The following FZD6 variants were observed in gnomAD, a reference collection of about 807,000 sequenced individuals.
The protein encoded by FZD6 is frizzled class receptor 6.
FZD6 carries 49 observed loss-of-function variants against 61.4 expected under a neutral mutation model. That is an observed-to-expected ratio of 0.80 (90% CI 0.63 to 1.01). The LOEUF (loss-of-function observed/expected upper bound fraction) is 1.01, where lower values mean the gene tolerates loss of function less well. Among genes scored for constraint, FZD6 ranks in the 50% least tolerant of loss-of-function variants. The pLI is 0.00. For missense variants in FZD6, 724 were observed against 848.2 expected, an observed-to-expected ratio of 0.85 and a Z score of 1.82; for synonymous variants, 265 against 292.2, an observed-to-expected ratio of 0.91 and a Z score of 0.95.
chr8:103,314,233 C>G (rs1814571853), intron 2 of FZD6, among the ~76,000 whole-genome samples: 1 of 152,188 alleles, frequency 6.6e-6, no homozygotes, highest in Admixed American at 6.5e-5. Flanking sequence ...ATAATTACTT[C>G]TTAAGTGCTG....
At chr8:103,320,631 G>GA (rs1374581885) in intron 3 of FZD6, among the ~76,000 whole-genome samples, 1 of 152,018 alleles carries the variant, frequency 6.6e-6, no homozygotes, top group Non-Finnish European at 1.5e-5. Context: ...TTTAAAAAAT[G>GA]AATTGCAAGG....
chr8:103,303,395 G>T (rs1429119204), intron 2 of FZD6, among the ~76,000 whole-genome samples: 1 of 151,920 alleles, frequency 6.6e-6, no homozygotes, highest in Non-Finnish European at 1.5e-5. Flanking sequence ...CCTTTCTCCT[G>T]AGCAAATTTA....
chr8:103,311,944 G>A (rs1471028456), intron 2 of FZD6, among the ~76,000 whole-genome samples: 1 of 152,066 alleles, frequency 6.6e-6, no homozygotes, highest in South Asian at 2.1e-4. Flanking sequence ...AAACTAAATA[G>A]TTAGAATTAA....
At chr8:103,323,224 G>A (rs924043257) in intron 3 of FZD6, among the ~76,000 whole-genome samples, 2 of 152,090 alleles carry the variant, frequency 1.3e-5, no homozygotes, top group Non-Finnish European at 2.9e-5. Context: ...CTTCTGAGGA[G>A]AGAGAGAAGG....
At chr8:103,331,275 C>T (rs1040484033) in intron 6 of FZD6, 66 bp from the exon 7 acceptor site, 1 of 1,090,184 alleles carries the variant, frequency 9.2e-7, no homozygotes, top group Non-Finnish European at 1.4e-6. Flanking sequence ...GGGTGAAACT[C>T]ATGAAAAATG....
intron 5 of FZD6, 44 bp from the exon 6 acceptor site, chr8:103,329,611 A>T: frequency 7.0e-7 from 1 of 1,438,450 alleles, no homozygotes; most frequent in Non-Finnish European, 9.8e-7. Flanking sequence ...CTTTATAGCC[A>T]CACTTCTAAT....
intron 3 of FZD6, among the ~76,000 whole-genome samples, chr8:103,324,249 C>T (rs147478062): frequency 7.4e-4 from 112 of 151,962 alleles, no homozygotes; most frequent in African/African-American, 2.7e-3. Flanking sequence ...TCATGTTCAC[C>T]TGCTTTGTAT....
chr8:103,327,368 G>A (rs1814981217), intron 4 of FZD6, among the ~76,000 whole-genome samples: 2 of 152,208 alleles, frequency 1.3e-5, no homozygotes, highest in Admixed American at 1.3e-4. Context: ...GCTGAGGAGG[G>A]CGGATTGCCT....
intron 6 of FZD6, among the ~76,000 whole-genome samples, chr8:103,330,889 A>G (rs1815099684): frequency 6.6e-6 from 1 of 152,172 alleles, no homozygotes; most frequent in Non-Finnish European, 1.5e-5. Context: ...ATTTTAAACA[A>G]TTATTTGGCC....
chr8:103,331,029 T>G (rs1414182435), intron 6 of FZD6, among the ~76,000 whole-genome samples: 1 of 151,994 alleles, frequency 6.6e-6, no homozygotes, highest in Non-Finnish European at 1.5e-5. Context: ...TACAAAAAAT[T>G]AGCCGGGTGT....
intron 2 of FZD6, among the ~76,000 whole-genome samples, chr8:103,302,826 C>T (rs796791905): frequency 2.6e-5 from 4 of 152,146 alleles, no homozygotes; most frequent in South Asian, 2.1e-4. Context: ...ATCTCTGTGG[C>T]GCACACCTGT....
At position 103,324,625 on chromosome 8, in the gene FZD6, T is replaced by A; in HGVS notation, c.519T>A (p.Tyr173Ter). ...RHLKTSGGQG[Y>*]KFLGIDQCAP... is the part of the protein sequence containing the mutation. The stretch of plus-strand genomic sequence containing the variant: ...TTAAGACTTCTGGGGGACAAGGATA[T>A]AAGTTTCTGGGAATTGACCAGTGTG... The change falls in exon 4 of 7, where the codon TAT (tyrosine) becomes TAA (stop). Residue 173 changes from tyrosine to a stop codon, truncating the protein, a stop_gained. Coordinates refer to ENST00000358755, the MANE Select transcript of FZD6 (RefSeq NM_003506.4). LOFTEE classifies it high-confidence loss of function. 4.3e-6 allele frequency: 7 copies of A among 1,614,174 alleles called. No homozygotes were observed. The highest frequency in any genetic ancestry group is 5.9e-6 in the Non-Finnish European group (7 of 1,180,004).
At chr8:103,314,704 T>C (rs890168811) in intron 2 of FZD6, among the ~76,000 whole-genome samples, 1 of 152,238 alleles carries the variant, frequency 6.6e-6, no homozygotes. Flanking sequence ...GTTCTGTATA[T>C]GCCCTTTAAG....
At position 103,332,617 on chromosome 8, in the gene FZD6, T is replaced by G. The variant is rs1255724796; in HGVS notation, c.*1108T>G. The G allele has an allele frequency of 6.6e-6, 1 of 152,610 alleles. No individual in the cohort carries two copies. Among genetic ancestry groups the G allele is most frequent in the Non-Finnish European group, 1.5e-5 (1 of 68,018 alleles). 9.5% of individuals were successfully genotyped at this position (152,610 alleles called of 1,614,324 possible). On this transcript the variant is annotated 3_prime_UTR_variant, in exon 7 of 7. Coordinates refer to ENST00000358755, the MANE Select transcript of FZD6 (RefSeq NM_003506.4). The stretch of plus-strand genomic sequence containing the variant: ...AACATACTTTAAAATATTAAGGAGT[T>G]TTCTTAATTTTGTTTCCTATTAAGT...
In FZD6 at chr8:103,328,624, ATATAG is replaced by A. The variant is rs533951940; in HGVS notation, c.1541+213_1541+217del. Among the ~76,000 whole-genome samples the A allele has an allele frequency of 1.0e-3, 155 of 152,092 alleles. 1 individual carries two copies. The highest frequency in any genetic ancestry group is 3.5e-3 in the African/African-American group (146 of 41,542). Reference sequence around the variant, plus strand: ...TAGTCTTTGACATATACTATTTATCATATAGTATATGTCTGTGACATATACTATTC... The same window carrying A: ...TAGTCTTTGACATATACTATTTATCATATATGTCTGTGACATATACTATTC... On this transcript the variant is annotated intron_variant, in intron 5 of 6. Transcript: ENST00000358755.
upstream of FZD6, chr8:103,298,809 G>A (rs1464452893): frequency 1.3e-5 from 2 of 159,634 alleles, no homozygotes; most frequent in East Asian, 1.8e-4. Context: ...CGCCGCCGCC[G>A]CGAGCCCGGA....
chr8:103,328,672 A>T (rs894304734), intron 5 of FZD6, among the ~76,000 whole-genome samples: 1 of 151,656 alleles, frequency 6.6e-6, no homozygotes, highest in Non-Finnish European at 1.5e-5. Flanking sequence ...AATATGAATG[A>T]ATGATTTATG....
rs763008043 is a variant in FZD6 at position 103,329,650 on chromosome 8, T to C, written c.1542-5T>C. On this transcript the variant is annotated splice_polypyrimidine_tract_variant and splice_region_variant and intron_variant, in intron 5 of 6. Coordinates refer to ENST00000358755, the MANE Select transcript of FZD6 (RefSeq NM_003506.4). ...AGTAAATCCTCTCCTTCAATTTTCTTATAGTCCAATCAGTGAAAGTCGAAG... is the reference window on the plus strand; with the variant it reads ...AGTAAATCCTCTCCTTCAATTTTCTCATAGTCCAATCAGTGAAAGTCGAAG... The C allele has an allele frequency of 8.8e-6, 14 of 1,594,686 alleles. No individual in the cohort carries two copies. The East Asian group carries it at 2.9e-4, about 33-fold the overall frequency.
Position 103,300,187 on chromosome 8 carries a change from T to C in FZD6, c.80T>C (p.Ile27Thr). ...CACAGTCTCTTCACCTGTGAACCAA[T>C]TACTGTTCCCAGATGTATGAAAATG... ...RGHSLFTCEPITVPRCMKMAY... is the reference protein window; with the variant it reads ...RGHSLFTCEPTTVPRCMKMAY... The change falls in exon 2 of 7, where the codon ATT becomes ACT. Residue 27 changes from isoleucine to threonine, a missense_variant. Physicochemically the swap from Ile to Thr is moderately conservative, Grantham distance 89 (BLOSUM62 -1). Transcript: ENST00000358755. The C allele has an allele frequency of 6.3e-7, 1 of 1,599,130 alleles. No individual in the cohort carries two copies. The highest frequency in any genetic ancestry group is 1.3e-5 in the African/African-American group (1 of 74,762).
Sources: allele counts gnomAD v4.1 joint callset (sites outside exome capture counted in the v4.1 genomes callset), GRCh38; gene constraint gnomAD v4.1.1; transcripts MANE v1.5; gene names NCBI Gene and HGNC (gene_info 2026-07-23, HGNC 2026-07-21).